Variants in DAB1 observed in about 807,000 individuals in gnomAD.
DAB1 encodes the protein disabled homolog 1.
In DAB1, 15 loss-of-function variants were observed where a neutral mutation model predicts 64.6. The observed-to-expected ratio is 0.23, with a 90% confidence interval of 0.16 to 0.36. The LOEUF is 0.36. Ranked by LOEUF, DAB1 falls within the 10% of genes least tolerant of loss-of-function variation. The pLI is 1.00. For synonymous variants in DAB1, 235 were observed against 251.9 expected, an observed-to-expected ratio of 0.93 and a Z score of 0.64; for missense variants, 596 against 706.7, an observed-to-expected ratio of 0.84 and a Z score of 1.78.
intron 5 of DAB1, among the ~76,000 whole-genome samples, chr1:58,016,130 G>A (rs1646735788): frequency 6.6e-6 from 1 of 152,076 alleles, no homozygotes; most frequent in Non-Finnish European, 1.5e-5. Flanking sequence ...AGATAATGTA[G>A]TTATTTACTG....
chr1:57,493,050 C>T (rs1295718374), intron 7 of DAB1, among the ~76,000 whole-genome samples: 1 of 152,080 alleles, frequency 6.6e-6, no homozygotes, highest in Non-Finnish European at 1.5e-5. Context: ...GAGCACATGT[C>T]ACATAGCAGC....
chr1:58,056,363 C>T (rs576230994), intron 5 of DAB1: 98 of 1,589,148 alleles, frequency 6.2e-5, no homozygotes, highest in South Asian at 3.3e-4. Flanking sequence ...TTTCGAATGA[C>T]GAATGTCTTA....
intron 2 of DAB1, among the ~76,000 whole-genome samples, chr1:57,212,871 G>A (rs899106072): frequency 6.6e-6 from 1 of 152,182 alleles, no homozygotes; most frequent in African/African-American, 2.4e-5. Flanking sequence ...TGTCACCCCA[G>A]TCTCAGAACC....
At chr1:58,351,326 C>G (rs942008015) in intron 3 of DAB1, among the ~76,000 whole-genome samples, 1 of 152,086 alleles carries the variant, frequency 6.6e-6, no homozygotes, top group African/African-American at 2.4e-5. Context: ...TTCAAAGAGT[C>G]AAATATGTGA....
intron 1 of DAB1, among the ~76,000 whole-genome samples, chr1:57,356,635 G>A (rs762804362): frequency 2.6e-5 from 4 of 151,912 alleles, no homozygotes; most frequent in Non-Finnish European, 5.9e-5. Flanking sequence ...TCTAAGTATT[G>A]CAACAAACTC....
intron 4 of DAB1, among the ~76,000 whole-genome samples, chr1:57,079,894 G>C (rs1032145338): frequency 6.6e-6 from 1 of 152,090 alleles, no homozygotes; most frequent in Non-Finnish European, 1.5e-5. Flanking sequence ...ACTGGGAGTG[G>C]GAGAGACCCC....
intron 7 of DAB1, among the ~76,000 whole-genome samples, chr1:57,611,268 G>A (rs2101602016): frequency 6.6e-6 from 1 of 151,786 alleles, no homozygotes; most frequent in Non-Finnish European, 1.5e-5. Context: ...TCAGCAGCAA[G>A]GTTCCTGCCT....
chr1:57,288,035 T>C (rs1300673419), intron 2 of DAB1, among the ~76,000 whole-genome samples: 1 of 151,982 alleles, frequency 6.6e-6, no homozygotes, highest in African/African-American at 2.4e-5. Context: ...ACTTCAAGTG[T>C]TCTGCCTGCC....
At chr1:57,779,260 A>G (rs970185731) in intron 6 of DAB1, among the ~76,000 whole-genome samples, 2 of 152,088 alleles carry the variant, frequency 1.3e-5, no homozygotes, top group African/African-American at 2.4e-5. Context: ...AAAGCATTTC[A>G]TGCAGAAGAA....
intron 1 of DAB1, among the ~76,000 whole-genome samples, chr1:57,412,529 T>C (rs1019889527): frequency 6.6e-6 from 1 of 152,170 alleles, no homozygotes; most frequent in African/African-American, 2.4e-5. Flanking sequence ...TTAAAGGACA[T>C]TAAAAGTGCA....
At chr1:57,572,626 G>A (rs893829684) in intron 7 of DAB1, among the ~76,000 whole-genome samples, 1 of 152,138 alleles carries the variant, frequency 6.6e-6, no homozygotes, top group Non-Finnish European at 1.5e-5. Flanking sequence ...CATATAATAA[G>A]CCCTCAATAA....
At chr1:58,396,932 G>T (rs1199452385) in intron 3 of DAB1, among the ~76,000 whole-genome samples, 3 of 152,140 alleles carry the variant, frequency 2.0e-5, no homozygotes, top group African/African-American at 7.2e-5. Context: ...GGGCGTAGTG[G>T]TGGGCTCCTG....
intron 4 of DAB1, among the ~76,000 whole-genome samples, chr1:58,279,416 T>G (rs559551912): frequency 6.6e-6 from 1 of 152,302 alleles, no homozygotes; most frequent in South Asian, 2.1e-4. Flanking sequence ...TAGACTGGTC[T>G]CTCTGGGTGG....
At chr1:58,265,664 C>G in intron 4 of DAB1, among the ~76,000 whole-genome samples, 1 of 152,178 alleles carries the variant, frequency 6.6e-6, no homozygotes, top group East Asian at 1.9e-4. Context: ...TAATATTTCC[C>G]TACACCTCAG....
intron 5 of DAB1, among the ~76,000 whole-genome samples, chr1:58,123,298 C>A (rs914904326): frequency 2.0e-5 from 3 of 152,076 alleles, no homozygotes; most frequent in African/African-American, 7.2e-5. Flanking sequence ...GATAGGGTAC[C>A]GAAGCCATAT....
chr1:58,389,362 C>T (rs924477487), intron 3 of DAB1, among the ~76,000 whole-genome samples: 6 of 152,168 alleles, frequency 3.9e-5, no homozygotes, highest in African/African-American at 1.4e-4. Context: ...TGCTTCAGCC[C>T]AGGAGATCCA....
At chr1:57,713,886 T>C (rs1647053807) in intron 6 of DAB1, among the ~76,000 whole-genome samples, 2 of 151,604 alleles carry the variant, frequency 1.3e-5, no homozygotes, top group Non-Finnish European at 2.9e-5. Context: ...ATTACATAAC[T>C]GACAGGGGAA....
At chr1:57,923,044 A>G (rs1420992755) in intron 5 of DAB1, among the ~76,000 whole-genome samples, 1 of 150,230 alleles carries the variant, frequency 6.7e-6, no homozygotes, top group Non-Finnish European at 1.5e-5. Flanking sequence ...GGGGGAAGAC[A>G]ATTTAGAAAA....
chr1:57,408,598 A>G (rs1683849568), intron 1 of DAB1, among the ~76,000 whole-genome samples: 1 of 152,088 alleles, frequency 6.6e-6, no homozygotes, highest in African/African-American at 2.4e-5. Flanking sequence ...CAACACTCAC[A>G]CAGCTTGCCT....
Sources: allele counts gnomAD v4.1 joint callset (sites outside exome capture counted in the v4.1 genomes callset), GRCh38; gene constraint gnomAD v4.1.1; transcripts MANE v1.5; gene names NCBI Gene and HGNC (gene_info 2026-07-23, HGNC 2026-07-21).